Variants in TNPO3 observed in about 807,000 individuals in gnomAD.
TNPO3 encodes the protein transportin 3.
TNPO3 carries 65 observed loss-of-function variants against 122.8 expected under a neutral mutation model. That is an observed-to-expected ratio of 0.53 (90% confidence interval 0.43 to 0.65). TNPO3 has a LOEUF of 0.65. TNPO3 is among the 30% of genes least tolerant of loss of function. The pLI is 0.00. For synonymous variants in TNPO3, 372 were observed against 411.2 expected (o/e 0.90, Z 1.15); for missense variants, 850 against 1,136.7 (o/e 0.75, Z 3.63).
At position 129,054,881 on chromosome 7, in the gene TNPO3, G is replaced by A; in HGVS notation, c.-111C>T. The A allele has an allele frequency of 6.9e-7, 1 of 1,450,158 alleles. No individual in the cohort carries two copies. The highest frequency in any genetic ancestry group is 1.2e-5 in the South Asian group (1 of 81,804). 89.8% of individuals were successfully genotyped at this position (1,450,158 alleles called of 1,614,324 possible). On this transcript the variant is annotated 5_prime_UTR_variant, in exon 1 of 23. Transcript: ENST00000265388. The stretch of plus-strand genomic sequence containing the variant: ...TCTGGGCCACGGCCGCTCCCTGACT[G>A]GCGCCATCTCCTCCTCTTTGGCCGT...
At chr7:128,974,485 G>A (rs750044821) in intron 18 of TNPO3, among the ~76,000 whole-genome samples, 6 of 151,774 alleles carry the variant, frequency 4.0e-5, no homozygotes, top group South Asian at 2.1e-4. Flanking sequence ...TCTTTATTCC[G>A]AAACTGATTA....
chr7:129,016,300 A>C (rs1803853645), intron 3 of TNPO3, among the ~76,000 whole-genome samples: 1 of 152,128 alleles, frequency 6.6e-6, no homozygotes, highest in Non-Finnish European at 1.5e-5. Context: ...AGGCTGAGAC[A>C]GGAGAATCAC....
At chr7:128,956,595 T>G (rs1796922254) in intron 22 of TNPO3, among the ~76,000 whole-genome samples, 2 of 152,208 alleles carry the variant, frequency 1.3e-5, no homozygotes, top group Non-Finnish European at 2.9e-5. Flanking sequence ...TTTGGATTTT[T>G]GGATTAGGAA....
chr7:129,035,950 C>CTTTTTTTTTT (rs71162551), intron 1 of TNPO3, among the ~76,000 whole-genome samples: 130 of 119,930 alleles, frequency 1.1e-3, no homozygotes, highest in Middle Eastern at 4.1e-3. Flanking sequence ...CTTTTCTTTT[C>CTTTTTTTTTT]TTTTTTTTTT....
At chr7:129,030,820 A>G (rs1429134336) in intron 1 of TNPO3, among the ~76,000 whole-genome samples, 1 of 152,178 alleles carries the variant, frequency 6.6e-6, no homozygotes, top group Non-Finnish European at 1.5e-5. Flanking sequence ...ATTTTTATTC[A>G]CTTTTCTGAT....
chr7:129,017,890 A>C (rs1376197602), intron 2 of TNPO3, 67 bp downstream of exon 2: 4 of 1,508,176 alleles, frequency 2.7e-6, no homozygotes, highest in Non-Finnish European at 3.7e-6. Flanking sequence ...TAGCAATACG[A>C]ATTAAAACAA....
intron 1 of TNPO3, among the ~76,000 whole-genome samples, chr7:129,033,685 G>A (rs887293838): frequency 3.3e-5 from 5 of 151,904 alleles, no homozygotes; most frequent in South Asian, 2.1e-4. Flanking sequence ...TTTAGGAGGC[G>A]GGTGATCACT....
chr7:129,018,837 G>A (rs757760525), intron 1 of TNPO3, among the ~76,000 whole-genome samples: 2 of 152,104 alleles, frequency 1.3e-5, no homozygotes, highest in Non-Finnish European at 2.9e-5. Context: ...TCCTGCCTCA[G>A]TCTTCTGATT....
chr7:129,014,747 A>C (rs932005750), intron 4 of TNPO3, among the ~76,000 whole-genome samples: 1 of 152,202 alleles, frequency 6.6e-6, no homozygotes, highest in African/African-American at 2.4e-5. Flanking sequence ...TGTAACTCTA[A>C]AGTCCATTTT....
chr7:128,973,960 G>A (rs1251531748), intron 18 of TNPO3, among the ~76,000 whole-genome samples: 1 of 151,820 alleles, frequency 6.6e-6, no homozygotes, highest in Non-Finnish European at 1.5e-5. Context: ...GATCACCTGA[G>A]GCCAGGAGTT....
At chr7:129,034,949 A>G (rs895560822) in intron 1 of TNPO3, among the ~76,000 whole-genome samples, 1 of 150,360 alleles carries the variant, frequency 6.7e-6, no homozygotes, top group Non-Finnish European at 1.5e-5. Context: ...CATCTCAGGA[A>G]GGAAACATCA....
At chr7:128,995,590 G>T (rs983708204) in intron 8 of TNPO3, among the ~76,000 whole-genome samples, 6 of 152,218 alleles carry the variant, frequency 3.9e-5, no homozygotes, top group Non-Finnish European at 5.9e-5. Context: ...TGGTGCCACA[G>T]AATTAGCAAA....
At chr7:129,013,148 G>A (rs11769533) in intron 4 of TNPO3, among the ~76,000 whole-genome samples, 73,761 of 151,910 alleles carry the variant, frequency 0.49, 18,110 homozygotes, top group African/African-American at 0.5. Flanking sequence ...AATCAAAATG[G>A]ATTAAAGACT....
intron 1 of TNPO3, among the ~76,000 whole-genome samples, chr7:129,036,196 G>A (rs919936412): frequency 6.6e-6 from 1 of 151,772 alleles, no homozygotes; most frequent in Admixed American, 6.6e-5. Context: ...CTCATGATCC[G>A]CCCACCTCGG....
chr7:128,976,967 A>G (rs1799122262), intron 16 of TNPO3, among the ~76,000 whole-genome samples: 1 of 152,234 alleles, frequency 6.6e-6, no homozygotes, highest in South Asian at 2.1e-4. Flanking sequence ...TATAGATCTT[A>G]TCCACCATTC....
At chr7:129,008,733 A>G (rs1001873257) in intron 4 of TNPO3, among the ~76,000 whole-genome samples, 8 of 152,302 alleles carry the variant, frequency 5.3e-5, no homozygotes, top group African/African-American at 1.9e-4. Context: ...GCTGATACTC[A>G]TTCTCTCTCC....
intron 11 of TNPO3, among the ~76,000 whole-genome samples, chr7:128,987,804 C>G (rs1800325178): frequency 6.6e-6 from 1 of 151,912 alleles, no homozygotes; most frequent in Non-Finnish European, 1.5e-5. Context: ...GTCTCAAACT[C>G]CTGGCCTCAA....
chr7:129,034,210 A>C (rs888808407), intron 1 of TNPO3, among the ~76,000 whole-genome samples: 3 of 152,376 alleles, frequency 2.0e-5, no homozygotes, highest in African/African-American at 7.2e-5. Context: ...AGGTACCTAA[A>C]GTAGCAAGAC....
chr7:129,008,320 T>C (rs1802806130), intron 4 of TNPO3, among the ~76,000 whole-genome samples: 1 of 151,936 alleles, frequency 6.6e-6, no homozygotes, highest in Non-Finnish European at 1.5e-5. Flanking sequence ...AGTTCTAGAC[T>C]AATCTGAGCA....
Sources: gnomAD v4.1 joint callset for allele counts (sites outside exome capture counted in the v4.1 genomes callset) on GRCh38, gnomAD v4.1.1 for gene constraint, MANE v1.5 for transcripts, NCBI Gene and HGNC (gene_info 2026-07-23, HGNC 2026-07-21) for gene names.